Variants in CSNK1G1 observed in about 807,000 individuals in gnomAD.
CSNK1G1 encodes the protein casein kinase I isoform gamma-1.
In CSNK1G1, 22 loss-of-function variants were observed where a neutral mutation model predicts 59.6. The observed-to-expected ratio is 0.37, with a 90% confidence interval of 0.26 to 0.53. The LOEUF is 0.53. CSNK1G1 is among the 20% of genes least tolerant of loss of function. The pLI, the probability that CSNK1G1 is intolerant of heterozygous loss-of-function variation, is 0.89. For synonymous variants in CSNK1G1, 179 were observed against 177.1 expected, an observed-to-expected ratio of 1.01 and a Z score of -0.08; for missense variants, 384 against 519.5, an observed-to-expected ratio of 0.74 and a Z score of 2.54.
At chr15:64,355,777 C>T (rs1330856038) in intron 1 of CSNK1G1, among the ~76,000 whole-genome samples, 1 of 152,178 alleles carries the variant, frequency 6.6e-6, no homozygotes, top group Non-Finnish European at 1.5e-5. Flanking sequence ...ACCTCTACCC[C>T]GCTAACCGAA....
intron 4 of CSNK1G1, among the ~76,000 whole-genome samples, chr15:64,233,825 G>A (rs1265240057): frequency 6.6e-6 from 1 of 152,090 alleles, no homozygotes; most frequent in Non-Finnish European, 1.5e-5. Flanking sequence ...TATTAGTACT[G>A]AGTATGTGAA....
chr15:64,335,063 C>T (rs980203401), intron 1 of CSNK1G1, among the ~76,000 whole-genome samples: 1 of 152,180 alleles, frequency 6.6e-6, no homozygotes. Context: ...CTGCTCAGTT[C>T]ACATAATCTA....
chr15:64,281,401 T>G (rs1159991911), intron 2 of CSNK1G1, among the ~76,000 whole-genome samples: 1 of 151,660 alleles, frequency 6.6e-6, no homozygotes, highest in Non-Finnish European at 1.5e-5. Context: ...GGCCCAGGAG[T>G]TCCAGACCAG....
intron 2 of CSNK1G1, chr15:64,265,933 A>G (rs1446118837): frequency 2.4e-5 from 10 of 424,714 alleles, no homozygotes; most frequent in African/African-American, 1.9e-4. Flanking sequence ...AAAAATTTTT[A>G]ATTAGCCAGG....
chr15:64,189,395 G>A (rs1484943283), intron 10 of CSNK1G1: 1 of 1,275,160 alleles, frequency 7.8e-7, no homozygotes, highest in Non-Finnish European at 1.0e-6. Context: ...CTTTTGTCCA[G>A]AAGAATCTGT....
chr15:64,290,950 A>C (rs2140384983), intron 2 of CSNK1G1, among the ~76,000 whole-genome samples: 1 of 152,124 alleles, frequency 6.6e-6, no homozygotes, highest in South Asian at 2.1e-4. Flanking sequence ...CTGACCTCAG[A>C]TGATCTGTCT....
chr15:64,231,996 A>G (rs2082557073), intron 4 of CSNK1G1, among the ~76,000 whole-genome samples: 1 of 152,218 alleles, frequency 6.6e-6, no homozygotes, highest in Non-Finnish European at 1.5e-5. Flanking sequence ...AGTGGTAGCT[A>G]TAAACACAGT....
chr15:64,356,098 G>A lies in CSNK1G1; in HGVS notation c.-335C>T, dbSNP rs1270578600. The A allele has an allele frequency of 6.6e-6, 1 of 152,230 alleles. No individual in the cohort carries two copies. Among genetic ancestry groups the A allele is most frequent in the Non-Finnish European group, 1.5e-5 (1 of 68,074 alleles). 9.4% of individuals were successfully genotyped at this position (152,230 alleles called of 1,614,324 possible). A position where few individuals can be genotyped will look rare whatever the true frequency, so the allele number is the denominator to read the frequency against. ...GGTGGTTTCTCTCTTTCCCAGGAGCGGGAGGGAGGGGAGAAGGCGGACGGG... is the reference window on the plus strand; with the variant it reads ...GGTGGTTTCTCTCTTTCCCAGGAGCAGGAGGGAGGGGAGAAGGCGGACGGG... On this transcript the variant is annotated 5_prime_UTR_variant, in exon 1 of 12. Coordinates refer to ENST00000303052, the MANE Select transcript of CSNK1G1 (RefSeq NM_022048.5).
intron 11 of CSNK1G1, 65 bp from the exon 12 acceptor site, chr15:64,172,050 G>T: frequency 6.8e-7 from 1 of 1,462,830 alleles, no homozygotes; most frequent in Non-Finnish European, 9.5e-7. Context: ...ACTTCTGCCT[G>T]CTTCTGCTTA....
At chr15:64,190,137 T>G (rs557411590) in intron 10 of CSNK1G1, among the ~76,000 whole-genome samples, 28 of 152,096 alleles carry the variant, frequency 1.8e-4, no homozygotes, top group African/African-American at 6.3e-4. Flanking sequence ...TCCTTTTTAT[T>G]AATGGAATAC....
At chr15:64,240,328 T>C (rs952168619) in intron 4 of CSNK1G1, among the ~76,000 whole-genome samples, 21 of 152,248 alleles carry the variant, frequency 1.4e-4, no homozygotes, top group Non-Finnish European at 2.9e-4. Context: ...ACATGCATAT[T>C]ATATGATTTC....
At chr15:64,190,788 G>A (rs572896017) in intron 10 of CSNK1G1, among the ~76,000 whole-genome samples, 1 of 152,266 alleles carries the variant, frequency 6.6e-6, no homozygotes, top group South Asian at 2.1e-4. Context: ...CTGGAGATCT[G>A]AGAATAAACC....
intron 2 of CSNK1G1, among the ~76,000 whole-genome samples, chr15:64,277,082 A>G (rs1893669957): frequency 6.6e-6 from 1 of 152,176 alleles, no homozygotes; most frequent in African/African-American, 2.4e-5. Context: ...CATTAGACAA[A>G]ATAGTCAAAT....
At chr15:64,220,378 A>G (rs1243524618) in intron 4 of CSNK1G1, among the ~76,000 whole-genome samples, 1 of 152,078 alleles carries the variant, frequency 6.6e-6, no homozygotes, top group African/African-American at 2.4e-5. Flanking sequence ...TATAGGCATG[A>G]GCCACCATGC....
chr15:64,232,258 G>A (rs2082560380), intron 4 of CSNK1G1, among the ~76,000 whole-genome samples: 1 of 152,108 alleles, frequency 6.6e-6, no homozygotes, highest in Non-Finnish European at 1.5e-5. Flanking sequence ...TGTCACAAAT[G>A]TTAAAAATTG....
intron 2 of CSNK1G1, among the ~76,000 whole-genome samples, chr15:64,277,787 T>C (rs1361733455): frequency 2.3e-4 from 27 of 118,748 alleles, no homozygotes; most frequent in Non-Finnish European, 3.5e-4. Flanking sequence ...AATAATATAT[T>C]AATATTGATA....
chr15:64,189,341 C>T, intron 10 of CSNK1G1: 1 of 1,192,806 alleles, frequency 8.4e-7, no homozygotes, highest in Non-Finnish European at 1.1e-6. Flanking sequence ...CCTTCTTTAC[C>T]TGCTTTTTAC....
At chr15:64,295,873 A>G (rs1237472838) in intron 2 of CSNK1G1, among the ~76,000 whole-genome samples, 2 of 152,148 alleles carry the variant, frequency 1.3e-5, no homozygotes, top group African/African-American at 4.8e-5. Flanking sequence ...ACACTTCACA[A>G]TTTCGTCCCA....
intron 1 of CSNK1G1, among the ~76,000 whole-genome samples, chr15:64,321,964 T>G (rs960085220): frequency 3.3e-5 from 5 of 152,266 alleles, no homozygotes; most frequent in African/African-American, 1.2e-4. Context: ...TGGTAGGCTC[T>G]AATTGGATCT....
Sources: gnomAD v4.1 joint callset for allele counts (sites outside exome capture counted in the v4.1 genomes callset) on GRCh38, gnomAD v4.1.1 for gene constraint, MANE v1.5 for transcripts, NCBI Gene and HGNC (gene_info 2026-07-23, HGNC 2026-07-21) for gene names.